Variants in SLC26A7 observed in about 807,000 individuals in gnomAD.
SLC26A7 encodes the protein solute carrier family 26 member 7.
SLC26A7 carries 59 observed loss-of-function variants against 82.5 expected under a neutral mutation model. The ratio of observed to expected loss-of-function variants is 0.72; its 90% confidence interval spans 0.58 to 0.89. The LOEUF (loss-of-function observed/expected upper bound fraction) is 0.89. Among genes scored for constraint, SLC26A7 ranks in the 40% least tolerant of loss-of-function variants. The pLI is 0.00. For missense variants in SLC26A7, 820 were observed against 793.0 expected (o/e 1.03, Z -0.41); for synonymous variants, 271 against 274.3 (o/e 0.99, Z 0.12).
intron 4 of SLC26A7, among the ~76,000 whole-genome samples, chr8:91,300,025 A>C (rs1812120705): frequency 6.6e-6 from 1 of 152,174 alleles, no homozygotes; most frequent in African/African-American, 2.4e-5. Context: ...CAGGGGGAGA[A>C]ACTTCCTTGT....
chr8:91,351,106 G>A (rs1813703135), intron 9 of SLC26A7, among the ~76,000 whole-genome samples: 1 of 152,054 alleles, frequency 6.6e-6, no homozygotes. Context: ...AGGCAGTTTG[G>A]CCAAATGTTT....
At chr8:91,277,054 C>T (rs932061104) in intron 2 of SLC26A7, among the ~76,000 whole-genome samples, 2 of 152,130 alleles carry the variant, frequency 1.3e-5, no homozygotes, top group African/African-American at 4.8e-5. Flanking sequence ...CCCTCTTTTC[C>T]CTTGCTTTCC....
intron 15 of SLC26A7, among the ~76,000 whole-genome samples, chr8:91,379,313 A>T (rs747491425): frequency 2.0e-4 from 30 of 152,156 alleles, no homozygotes; most frequent in Non-Finnish European, 3.5e-4. Context: ...GCTTTTTACA[A>T]GCTTATTTAA....
At chr8:91,263,088 AT>A (rs1264096687) in intron 2 of SLC26A7, among the ~76,000 whole-genome samples, 1 of 152,174 alleles carries the variant, frequency 6.6e-6, no homozygotes, top group East Asian at 1.9e-4. Flanking sequence ...ATTGGTAGTA[AT>A]TTTAGGACTA....
Position 91,352,911 on chromosome 8 carries a change from C to T in SLC26A7, c.1229C>T (p.Ala410Val). The change falls in exon 11 of 19, where the codon GCA (alanine) becomes GTA (valine). Residue 410 changes from alanine (A) to valine (V), a missense_variant. Coordinates refer to ENST00000276609, the MANE Select transcript of SLC26A7 (RefSeq NM_052832.4). Reference sequence around the variant, plus strand: ...ACGTTTTATTTCTAGTGTGTCCTTGCAAGCATTATTGTTGTGGGACTGAAG... The same window carrying T: ...ACGTTTTATTTCTAGTGTGTCCTTGTAAGCATTATTGTTGTGGGACTGAAG... ...LLYWLPMCVL[A>V]SIIVVGLKGM... 1.2e-6 allele frequency: 2 copies of T among 1,601,374 alleles called. No homozygotes were observed. The highest frequency in any genetic ancestry group is 8.5e-7 in the Non-Finnish European group (1 of 1,174,916).
At chr8:91,248,058 G>T (rs1275107924), upstream of SLC26A7, among the ~76,000 whole-genome samples, 1 of 152,096 alleles carries the variant, frequency 6.6e-6, no homozygotes, top group Non-Finnish European at 1.5e-5. Flanking sequence ...TATTTGGTGA[G>T]TTCATCTCTC....
chr8:91,391,540 C>T (rs1422786980), intron 16 of SLC26A7, among the ~76,000 whole-genome samples: 2 of 152,192 alleles, frequency 1.3e-5, no homozygotes, highest in Non-Finnish European at 2.9e-5. Context: ...CTGAATACTT[C>T]GTGTTTTCTT....
intron 15 of SLC26A7, among the ~76,000 whole-genome samples, chr8:91,383,763 T>C (rs1017052816): frequency 1.3e-5 from 2 of 152,212 alleles, no homozygotes; most frequent in African/African-American, 4.8e-5. Flanking sequence ...TTGCTGGGTC[T>C]ACCTCCACTG....
rs1811998603 is a variant in SLC26A7 at position 91,295,687 on chromosome 8, TGGGAGG to T, written c.462_467del (p.Leu154_Gly156delinsPhe). On this transcript the variant is annotated inframe_deletion, in exon 4 of 19. Transcript: ENST00000276609. ...CACGTTGCTGCAGCAGTTTCCTTCT[TGGGAGG>T]TGTGATTCAGGTAAGTGATACTGAC... 9.9e-6 allele frequency: 16 copies of T among 1,613,782 alleles called. No individual in the cohort carries two copies. The highest frequency in any genetic ancestry group is 1.3e-5 in the African/African-American group (1 of 74,896).
At chr8:91,391,206 G>A (rs944102137) in intron 16 of SLC26A7, among the ~76,000 whole-genome samples, 1 of 152,106 alleles carries the variant, frequency 6.6e-6, no homozygotes, top group African/African-American at 2.4e-5. Flanking sequence ...GATACGGGTG[G>A]GAGTGTGTGT....
At position 91,396,772 on chromosome 8, in the gene SLC26A7, G is replaced by A. The variant is rs1256004357; in HGVS notation, c.*1675G>A. The A allele has an allele frequency of 6.6e-6, 1 of 152,024 alleles. No homozygotes were observed. The highest frequency in any genetic ancestry group is 1.5e-5 in the Non-Finnish European group (1 of 67,916). The allele number at this position is 152,024 out of a possible 1,614,324, so 9.4% of individuals were successfully genotyped here. The stretch of plus-strand genomic sequence containing the variant: ...AATAATTGGAGGTAAAGTTTCCTTA[G>A]AGAAAATAATTTTATTCTGCTTTGT... On this transcript the variant is annotated 3_prime_UTR_variant, in exon 19 of 19. Transcript: ENST00000276609.
intron 9 of SLC26A7, among the ~76,000 whole-genome samples, chr8:91,345,878 T>C (rs1813548377): frequency 6.6e-6 from 1 of 152,204 alleles, no homozygotes; most frequent in African/African-American, 2.4e-5. Context: ...GTCTGAAAGA[T>C]AATAATTTGA....
intron 2 of SLC26A7, among the ~76,000 whole-genome samples, chr8:91,230,092 G>A (rs1181710870): frequency 6.6e-6 from 1 of 151,924 alleles, no homozygotes; most frequent in Non-Finnish European, 1.5e-5. Context: ...TTTTCACTTA[G>A]TATAATGGTT....
chr8:91,295,251 T>C (rs1219725255), intron 3 of SLC26A7, among the ~76,000 whole-genome samples: 2 of 152,226 alleles, frequency 1.3e-5, no homozygotes, highest in East Asian at 1.9e-4. Flanking sequence ...AGGACATTCT[T>C]TATGCCAATC....
At chr8:91,388,626 C>A (rs1814868983) in intron 15 of SLC26A7, among the ~76,000 whole-genome samples, 1 of 152,116 alleles carries the variant, frequency 6.6e-6, no homozygotes, top group African/African-American at 2.4e-5. Context: ...CACATCACTC[C>A]TCGGAGGGAC....
At chr8:91,264,104 C>T (rs1306150812) in intron 2 of SLC26A7, among the ~76,000 whole-genome samples, 3 of 151,974 alleles carry the variant, frequency 2.0e-5, no homozygotes, top group African/African-American at 7.2e-5. Context: ...AAGGCTGGTC[C>T]AGAGGACAGC....
intron 2 of SLC26A7, among the ~76,000 whole-genome samples, chr8:91,263,849 C>T (rs920888888): frequency 7.2e-5 from 11 of 152,084 alleles, no homozygotes; most frequent in Middle Eastern, 3.4e-3. Flanking sequence ...GGGATAATAT[C>T]GTGTCTACTT....
At chr8:91,212,413 A>G (rs1382257626) in intron 1 of SLC26A7, among the ~76,000 whole-genome samples, 2 of 152,168 alleles carry the variant, frequency 1.3e-5, no homozygotes, top group Admixed American at 6.5e-5. Context: ...TCAACCCTGT[A>G]TTAAATGATG....
chr8:91,283,855 T>G (rs1811640336), intron 2 of SLC26A7, among the ~76,000 whole-genome samples: 1 of 152,158 alleles, frequency 6.6e-6, no homozygotes, highest in South Asian at 2.1e-4. Context: ...AATTATTGAG[T>G]GGTAAGACTT....
Sources: allele counts gnomAD v4.1 joint callset (sites outside exome capture counted in the v4.1 genomes callset), GRCh38; gene constraint gnomAD v4.1.1; transcripts MANE v1.5; gene names NCBI Gene and HGNC (gene_info 2026-07-23, HGNC 2026-07-21).